The following R3HDM2 variants were observed in gnomAD, a reference collection of about 807,000 sequenced individuals.
R3HDM2 encodes the protein R3H domain containing 2, also known as R3H domain-containing protein 2.
R3HDM2 carries 38 observed loss-of-function variants against 124.5 expected under a neutral mutation model. The observed-to-expected ratio is 0.31, with a 90% CI of 0.24 to 0.40. The LOEUF (loss-of-function observed/expected upper bound fraction) is 0.40. Among genes scored for constraint, R3HDM2 ranks in the 10% least tolerant of loss-of-function variants. R3HDM2 has a pLI of 1.00. For missense variants in R3HDM2, 869 were observed against 1,236.9 expected (o/e 0.70, Z 4.46); for synonymous variants, 391 against 448.0 (o/e 0.87, Z 1.61).
chr12:57,360,036 T>TATATATAC (rs1555287263), intron 2 of R3HDM2, among the ~76,000 whole-genome samples: 783 of 77,994 alleles, frequency 0.01, 9 homozygotes, highest in East Asian at 0.019. Flanking sequence ...CACATATATA[T>TATATATAC]ATATATATAT....
At chr12:57,323,486 A>C (rs1408564412) in intron 2 of R3HDM2, among the ~76,000 whole-genome samples, 1 of 152,234 alleles carries the variant, frequency 6.6e-6, no homozygotes, top group Non-Finnish European at 1.5e-5. Flanking sequence ...ATAATAAAAC[A>C]ATAGTTGTGC....
intron 2 of R3HDM2, among the ~76,000 whole-genome samples, chr12:57,375,005 AT>A (rs1419990808): frequency 6.6e-6 from 1 of 151,040 alleles, no homozygotes; most frequent in Non-Finnish European, 1.5e-5. Context: ...CAAAAAAAAA[AT>A]AAATAAATAA....
chr12:57,278,229 G>A (rs1204542847), intron 14 of R3HDM2, among the ~76,000 whole-genome samples: 1 of 152,160 alleles, frequency 6.6e-6, no homozygotes, highest in Non-Finnish European at 1.5e-5. Flanking sequence ...CCCCATAGGA[G>A]ATAAGCCAAT....
At chr12:57,365,050 G>A (rs1176741988) in intron 2 of R3HDM2, among the ~76,000 whole-genome samples, 2 of 151,606 alleles carry the variant, frequency 1.3e-5, no homozygotes, top group Admixed American at 6.6e-5. Flanking sequence ...ATCACCTGAG[G>A]TCAGGAGTTC....
At chr12:57,405,104 T>C (rs1466151045) in intron 1 of R3HDM2, among the ~76,000 whole-genome samples, 2 of 152,070 alleles carry the variant, frequency 1.3e-5, no homozygotes, top group Admixed American at 6.6e-5. Flanking sequence ...CATAGCTCAC[T>C]GTAACCTCAA....
At chr12:57,349,379 C>CAAAAAAAAAAAAAAAAAAAAAAAAA (rs1161831845) in intron 2 of R3HDM2, among the ~76,000 whole-genome samples, 6 of 57,744 alleles carry the variant, frequency 1.0e-4, no homozygotes, top group Admixed American at 2.3e-4. Flanking sequence ...ACTCCGTCTC[C>CAAAAAAAAAAAAAAAAAAAAAAAAA]AAAAAAAAAA....
In R3HDM2 at chr12:57,261,772, A is replaced by C. The variant is rs1448349226; in HGVS notation, c.2132-2713T>G. Among the ~76,000 whole-genome samples, 9 of 151,444 alleles carry C rather than the reference A, an allele frequency of 5.9e-5. No individual in the cohort carries two copies. In the South Asian group the frequency reaches 1.5e-3, roughly 25 times the overall value. ...ATAGACGTGGCAAAAAAAAAAAAAA[A>C]AAAAAACCCTCTGCCCAGTGACAGC... On this transcript the variant is annotated intron_variant, in intron 19 of 23. Transcript: ENST00000402412.
intron 2 of R3HDM2, among the ~76,000 whole-genome samples, chr12:57,368,823 C>T (rs1288469107): frequency 1.3e-5 from 2 of 152,062 alleles, no homozygotes; most frequent in East Asian, 1.9e-4. Context: ...TTCTGTGAGT[C>T]GTTCTAGTAA....
chr12:57,378,800 T>A (rs770006248), intron 2 of R3HDM2, among the ~76,000 whole-genome samples: 9 of 152,232 alleles, frequency 5.9e-5, no homozygotes, highest in Non-Finnish European at 1.3e-4. Flanking sequence ...AGCAGCACTA[T>A]TCATAATAGC....
intron 19 of R3HDM2, among the ~76,000 whole-genome samples, chr12:57,264,078 C>T (rs534922065): frequency 1.5e-4 from 22 of 151,574 alleles, no homozygotes; most frequent in South Asian, 4.2e-4. Context: ...GCCGTCTCTA[C>T]TAAAAATTTA....
rs749885285 is a variant in R3HDM2, at chr12:57,254,933, G to A, written c.2813C>T (p.Ser938Leu). 63 of 1,613,976 alleles carry A rather than the reference G, an allele frequency of 3.9e-5. No homozygotes were observed. The highest frequency in any genetic ancestry group is 2.0e-4 in the African/African-American group (15 of 74,922). The stretch of plus-strand genomic sequence containing the variant: ...AATGGTGTACAAGGCAGCGAGGTCC[G>A]AGTGGCGGCCATTCTCAGCAGTCCC... ...NSGTAENGRHSDLAALYTIVA... is the reference protein window; with the variant it reads ...NSGTAENGRHLDLAALYTIVA... Residue 938 changes from serine to leucine, a missense_variant, in exon 24 of 24, where the codon TCG becomes TTG. Around this residue, in one of 2 missense-constraint regions of R3HDM2, gnomAD observed 602 missense variants for 789.2 expected, o/e 0.76. Coordinates refer to ENST00000402412, the MANE Select transcript of R3HDM2 (RefSeq NM_001394031.1).
At chr12:57,310,222 GAA>G (rs57612216) in intron 3 of R3HDM2, 40 bp downstream of exon 3, 5,044 of 1,065,450 alleles carry the variant, frequency 4.7e-3, no homozygotes, top group South Asian at 8.4e-3. Context: ...GTCTCTAAAG[GAA>G]AAAAAAAAAG....
intron 1 of R3HDM2, among the ~76,000 whole-genome samples, chr12:57,413,849 T>C (rs1264813925): frequency 0.2 from 814 of 4,114 alleles, 4 homozygotes; most frequent in Non-Finnish European, 0.38. Context: ...TCCCCCCCCT[T>C]TTTTTTTTTT....
At chr12:57,336,659 A>G (rs1453555941) in intron 2 of R3HDM2, among the ~76,000 whole-genome samples, 1 of 152,188 alleles carries the variant, frequency 6.6e-6, no homozygotes, top group Non-Finnish European at 1.5e-5. Flanking sequence ...ACTGGGGTCT[A>G]CATGAGCGGG....
chr12:57,361,375 CAAAAAAA>C (rs71084747), intron 2 of R3HDM2, among the ~76,000 whole-genome samples: 6 of 57,358 alleles, frequency 1.0e-4, no homozygotes, highest in Admixed American at 8.9e-4. Flanking sequence ...AACTCTGTCT[CAAAAAAA>C]AAAAAAAAAA....
chr12:57,258,584 C>T (rs537768768), intron 20 of R3HDM2, among the ~76,000 whole-genome samples: 1 of 152,200 alleles, frequency 6.6e-6, no homozygotes, highest in East Asian at 1.9e-4. Context: ...GATCCTCCCG[C>T]CTTGTCCTCC....
chr12:57,303,089 T>A, intron 4 of R3HDM2, 87 bp downstream of exon 4: 3 of 1,285,070 alleles, frequency 2.3e-6, no homozygotes, highest in Non-Finnish European at 3.3e-6. Context: ...CCTACATAAT[T>A]TGAACAAACT....
intron 11 of R3HDM2, 83 bp from the exon 12 acceptor site, chr12:57,289,123 T>C: frequency 7.4e-7 from 1 of 1,354,904 alleles, no homozygotes; most frequent in Non-Finnish European, 1.0e-6. Flanking sequence ...ATGCTATGAA[T>C]ACCCAAGGTC....
chr12:57,304,553 A>T (rs2052123695), intron 3 of R3HDM2: 12 of 974,364 alleles, frequency 1.2e-5, no homozygotes, highest in African/African-American at 1.8e-5. Context: ...CACAATGCAA[A>T]ATGGAGAACT....
Sources: gnomAD v4.1 joint callset for allele counts (sites outside exome capture counted in the v4.1 genomes callset) on GRCh38, gnomAD v4.1.1 for gene constraint, gnomAD v4.1.1 regional missense constraint, MANE v1.5 for transcripts, NCBI Gene and HGNC (gene_info 2026-07-23, HGNC 2026-07-21) for gene names.